IQCM: variants seen among roughly 807,000 people sequenced by gnomAD.
IQCM encodes IQ motif containing M, also known as IQ domain-containing protein M.
In IQCM, 45 loss-of-function variants were observed where a neutral mutation model predicts 57.6. That is an observed-to-expected ratio of 0.78 (90% CI 0.62 to 1.00). The LOEUF is 1.00. IQCM is among the 50% of genes least tolerant of loss of function. The probability of loss-of-function intolerance (pLI) is 0.00; values close to 1 mark genes in which losing one functional copy is unlikely to be tolerated. For synonymous variants in IQCM, 148 were observed against 158.9 expected (o/e 0.93, Z 0.51); for missense variants, 468 against 511.6 (o/e 0.91, Z 0.82).
At position 149,651,640 on chromosome 4, in the gene IQCM, A is replaced by C. The variant is rs147701477; in HGVS notation, c.566-30396T>G. 3.6e-3 allele frequency among the ~76,000 whole-genome samples: 541 copies of C among 152,304 alleles called. 4 individuals carry two copies. The highest frequency in any genetic ancestry group is 0.012 in the African/African-American group (506 of 41,562). Reference sequence around the variant, plus strand: ...AAAACTACTGCAGTAACAAAATGGAAAAGGTATAAAAAGATATGACTGATG... The same window carrying C: ...AAAACTACTGCAGTAACAAAATGGACAAGGTATAAAAAGATATGACTGATG... On this transcript the variant is annotated intron_variant, in intron 7 of 13. Coordinates refer to ENST00000636793, the MANE Select transcript of IQCM (RefSeq NM_001363507.2).
intron 9 of IQCM, among the ~76,000 whole-genome samples, chr4:149,578,542 T>G (rs1751873652): frequency 6.6e-6 from 1 of 151,784 alleles, no homozygotes; most frequent in Non-Finnish European, 1.5e-5. Context: ...CTCTTGGGGA[T>G]ACTTCTGCTC....
intron 12 of IQCM, among the ~76,000 whole-genome samples, chr4:149,528,381 T>A (rs1405000470): frequency 2.0e-5 from 3 of 150,450 alleles, no homozygotes; most frequent in Non-Finnish European, 4.5e-5. Context: ...CAATCATCAC[T>A]TATCAATTCT....
At chr4:149,374,155 G>A (rs757392485) in intron 13 of IQCM, among the ~76,000 whole-genome samples, 2 of 152,124 alleles carry the variant, frequency 1.3e-5, no homozygotes, top group African/African-American at 2.4e-5. Context: ...ACACCAAGGT[G>A]GTAGCACCCT....
At chr4:149,540,805 C>T (rs1479286053) in intron 12 of IQCM, among the ~76,000 whole-genome samples, 1 of 152,062 alleles carries the variant, frequency 6.6e-6, no homozygotes, top group East Asian at 1.9e-4. Context: ...GAGCCTCACG[C>T]CATTCTCAAA....
At chr4:149,520,008 G>GAAAACA (rs55856720) in intron 12 of IQCM, among the ~76,000 whole-genome samples, 7,284 of 151,784 alleles carry the variant, frequency 0.048, 327 homozygotes, top group South Asian at 0.14. Flanking sequence ...CTGTCTCAAA[G>GAAAACA]AAAACAAAAA....
chr4:149,452,149 A>G (rs1737185311), intron 12 of IQCM, among the ~76,000 whole-genome samples: 1 of 151,754 alleles, frequency 6.6e-6, no homozygotes, highest in East Asian at 1.9e-4. Flanking sequence ...GATATGCAAG[A>G]CTTGAACACT....
rs1165988959 is a variant in IQCM at position 149,436,153 on chromosome 4, G to A, written c.1229-2596C>T. On this transcript the variant is annotated intron_variant, in intron 12 of 13. Coordinates refer to ENST00000636793, the MANE Select transcript of IQCM (RefSeq NM_001363507.2). ...CCATTCATGTTAAGTGCCCTATATA[G>A]GTGTATCATGTTTTGTTTTGGATAC... 3.3e-5 allele frequency among the ~76,000 whole-genome samples: 5 copies of A among 151,956 alleles called. No homozygotes were observed. The South Asian group carries it at 6.2e-4, about 19-fold the overall frequency.
intron 7 of IQCM, among the ~76,000 whole-genome samples, chr4:149,676,225 C>T (rs1410501221): frequency 6.6e-6 from 1 of 151,968 alleles, no homozygotes; most frequent in Non-Finnish European, 1.5e-5. Context: ...ATAGCAGACT[C>T]CACGAAGGGC....
At chr4:149,358,845 A>AGTATATCATGATATACTCTCATGC (rs1729221750) in intron 13 of IQCM, among the ~76,000 whole-genome samples, 2 of 151,336 alleles carry the variant, frequency 1.3e-5, no homozygotes, top group African/African-American at 2.4e-5. Context: ...CACAGTGGAC[A>AGTATATCATGATATACTCTCATGC]GTATATCATG....
At chr4:149,635,258 G>T (rs1757621796) in intron 7 of IQCM, among the ~76,000 whole-genome samples, 1 of 152,196 alleles carries the variant, frequency 6.6e-6, no homozygotes, top group Non-Finnish European at 1.5e-5. Context: ...GATCCTCACA[G>T]GGTGACTGTT....
intron 13 of IQCM, among the ~76,000 whole-genome samples, chr4:149,385,581 T>C (rs1259319856): frequency 1.3e-5 from 2 of 152,126 alleles, no homozygotes. Context: ...TCTATCCAAC[T>C]GATTTACTTG....
chr4:149,399,969 CAT>C (rs1429554207), intron 13 of IQCM, among the ~76,000 whole-genome samples: 1 of 152,070 alleles, frequency 6.6e-6, no homozygotes, highest in African/African-American at 2.4e-5. Context: ...CATGCACACA[CAT>C]ACACACACAA....
intron 10 of IQCM, among the ~76,000 whole-genome samples, chr4:149,562,785 T>C (rs1327299951): frequency 1.3e-5 from 2 of 152,188 alleles, no homozygotes; most frequent in Non-Finnish European, 2.9e-5. Context: ...TTATACATGT[T>C]AGTACATGTA....
intron 2 of IQCM, among the ~76,000 whole-genome samples, chr4:149,752,500 C>T (rs769357694): frequency 2.0e-5 from 3 of 147,980 alleles, no homozygotes; most frequent in Non-Finnish European, 3.0e-5. Flanking sequence ...TCTAGTGAGC[C>T]GAGATCACAC....
At chr4:149,543,306 T>C (rs866692207) in intron 12 of IQCM, among the ~76,000 whole-genome samples, 1 of 152,116 alleles carries the variant, frequency 6.6e-6, no homozygotes, top group African/African-American at 2.4e-5. Flanking sequence ...AAAAACAATA[T>C]ATTCAAACTA....
At position 149,369,011 on chromosome 4, in the gene IQCM, C is replaced by CGT. The variant is rs374703529; in HGVS notation, c.1391-16947_1391-16946dup. Among the ~76,000 whole-genome samples the CGT allele has an allele frequency of 4.3e-4, 17 of 39,484 alleles. 3 individuals carry two copies. Among genetic ancestry groups the CGT allele is most frequent in the East Asian group, 2.6e-3 (4 of 1,562 alleles). The allele number at this position is 39,484 out of a possible 152,430, so 25.9% of individuals were successfully genotyped here. A position where few individuals can be genotyped will look rare whatever the true frequency, so the allele number is the denominator to read the frequency against. On this transcript the variant is annotated intron_variant, in intron 13 of 13. Coordinates refer to ENST00000636793, the MANE Select transcript of IQCM (RefSeq NM_001363507.2). ...ACACGTGTATATATATATATATACA[C>CGT]GTGTATATATATATATATACATGTG...
chr4:149,763,871 T>A (rs1438846419), intron 2 of IQCM, among the ~76,000 whole-genome samples: 4 of 151,888 alleles, frequency 2.6e-5, no homozygotes, highest in African/African-American at 9.7e-5. Flanking sequence ...TCTGCAGGAA[T>A]CTCTGTAATG....
chr4:149,758,376 C>T (rs1479065238), intron 2 of IQCM, among the ~76,000 whole-genome samples: 1 of 152,108 alleles, frequency 6.6e-6, no homozygotes, highest in African/African-American at 2.4e-5. Context: ...CCATAAAACT[C>T]CTAGAAGACA....
rs530049190 is a variant in IQCM at position 149,615,297 on chromosome 4, A to T, written c.681+5832T>A. Among the ~76,000 whole-genome samples the T allele has an allele frequency of 2.0e-5, 3 of 152,292 alleles. No homozygotes were observed. In the South Asian group the frequency reaches 6.2e-4, roughly 32 times the overall value. ...CTATCAGACTGCAATGTAATATTAC[A>T]TTTTATGTTACACAAGGAATTACAT... On this transcript the variant is annotated intron_variant, in intron 8 of 13. Coordinates refer to ENST00000636793, the MANE Select transcript of IQCM (RefSeq NM_001363507.2).
Sources: allele counts gnomAD v4.1 joint callset (sites outside exome capture counted in the v4.1 genomes callset), GRCh38; gene constraint gnomAD v4.1.1; transcripts MANE v1.5; gene names NCBI Gene and HGNC (gene_info 2026-07-23, HGNC 2026-07-21).